The following NWD2 variants were observed in gnomAD, a reference collection of about 807,000 sequenced individuals.
The protein encoded by NWD2 is NACHT and WD repeat domain containing 2.
In NWD2, 37 loss-of-function variants were observed where a neutral mutation model predicts 132.7. That is an observed-to-expected ratio of 0.28 (90% confidence interval 0.21 to 0.37). NWD2 has a LOEUF of 0.37. Ranked by LOEUF, NWD2 falls within the 10% of genes least tolerant of loss-of-function variation. The probability of loss-of-function intolerance (pLI) is 1.00; values close to 1 mark genes in which losing one functional copy is unlikely to be tolerated. For synonymous variants in NWD2, 705 were observed against 803.0 expected (o/e 0.88, Z 2.06); for missense variants, 1,592 against 2,122.4 (o/e 0.75, Z 4.91).
intron 3 of NWD2, among the ~76,000 whole-genome samples, chr4:37,396,417 T>C (rs1720792387): frequency 6.6e-6 from 1 of 152,158 alleles, no homozygotes; most frequent in South Asian, 2.1e-4. Context: ...CCCCTGACCA[T>C]GCCCATCTCT....
rs1712580014 is a variant in NWD2, at chr4:37,444,588, T to C, written c.2600T>C (p.Ile867Thr). The C allele has an allele frequency of 1.9e-6, 3 of 1,551,962 alleles. No individual in the cohort carries two copies. Among genetic ancestry groups the C allele is most frequent in the East Asian group, 4.9e-5 (2 of 40,926 alleles). Residue 867 changes from isoleucine (I) to threonine (T), a missense_variant, in exon 7 of 7, where the codon ATT becomes ACT. Coordinates refer to ENST00000309447, the MANE Select transcript of NWD2 (RefSeq NM_001144990.2). The surrounding 1 kb of genome is among the most constrained non-coding windows in gnomAD (Gnocchi z 4.8). ...AGCTGGCTTTATACCATGATCAAAA[T>C]TGGCCAGTTTGACAAAGTGCTTTCA... The part of the protein sequence containing the change: ...NFSWLYTMIK[I>T]GQFDKVLSDI...
intron 3 of NWD2, among the ~76,000 whole-genome samples, chr4:37,371,078 C>CTTTTTTTT (rs11378524): frequency 8.1e-4 from 98 of 121,140 alleles, no homozygotes; most frequent in East Asian, 2.4e-3. Flanking sequence ...TTTTCTTTTT[C>CTTTTTTTT]TTTTTTTTTT....
At position 37,310,489 on chromosome 4, in the gene NWD2, G is replaced by GA. The variant is rs545378226; in HGVS notation, c.152-15439dup. 2.2e-4 allele frequency among the ~76,000 whole-genome samples: 33 copies of GA among 151,940 alleles called. No homozygotes were observed. In the South Asian group the frequency reaches 6.5e-3, roughly 30 times the overall value. On this transcript the variant is annotated intron_variant, in intron 1 of 6. Transcript: ENST00000309447. ...CTTCTAAGATTTGGATAAATTGATA[G>GA]AAAAAAAATAATTTGTTTTCTTTAT...
intron 3 of NWD2, among the ~76,000 whole-genome samples, chr4:37,389,043 G>A (rs762319227): frequency 9.2e-5 from 14 of 152,104 alleles, no homozygotes; most frequent in Non-Finnish European, 1.3e-4. Flanking sequence ...CCATGAGAAG[G>A]GATGGAGGCT....
chr4:37,307,645 A>G (rs1159567675), intron 1 of NWD2, among the ~76,000 whole-genome samples: 2 of 152,164 alleles, frequency 1.3e-5, no homozygotes, highest in Non-Finnish European at 2.9e-5. Context: ...AGTTTCCTGT[A>G]TCTGAATATC....
At chr4:37,271,728 A>C (rs1400044690) in intron 1 of NWD2, among the ~76,000 whole-genome samples, 2 of 151,782 alleles carry the variant, frequency 1.3e-5, no homozygotes, top group African/African-American at 4.8e-5. Flanking sequence ...TAAGTTGTTA[A>C]ACAAAAGTGA....
intron 1 of NWD2, among the ~76,000 whole-genome samples, chr4:37,283,186 A>G (rs1718164019): frequency 1.3e-5 from 2 of 152,202 alleles, no homozygotes; most frequent in African/African-American, 4.8e-5. Flanking sequence ...CCCAGTAAAA[A>G]TGTGTAAATT....
chr4:37,321,662 A>T (rs758626652), intron 1 of NWD2, among the ~76,000 whole-genome samples: 3 of 152,190 alleles, frequency 2.0e-5, no homozygotes, highest in Non-Finnish European at 4.4e-5. Flanking sequence ...TTAAATTGTG[A>T]ACCATCCAGA....
chr4:37,305,002 C>G (rs1207432010), intron 1 of NWD2, among the ~76,000 whole-genome samples: 1 of 152,202 alleles, frequency 6.6e-6, no homozygotes, highest in Admixed American at 6.5e-5. Flanking sequence ...TCCTGGACAT[C>G]CAGGCATTTC....
intron 3 of NWD2, among the ~76,000 whole-genome samples, chr4:37,363,079 G>T (rs1390065157): frequency 6.6e-6 from 1 of 152,100 alleles, no homozygotes; most frequent in East Asian, 1.9e-4. Flanking sequence ...AATCATCAGA[G>T]GAATGCAAAT....
At chr4:37,377,190 C>A (rs545378989) in intron 3 of NWD2, among the ~76,000 whole-genome samples, 1 of 152,258 alleles carries the variant, frequency 6.6e-6, no homozygotes, top group Admixed American at 6.5e-5. Flanking sequence ...GAGTAGGGAC[C>A]ACTCCAATCA....
At chr4:37,387,667 ATT>A (rs1396107313) in intron 3 of NWD2, among the ~76,000 whole-genome samples, 5 of 131,654 alleles carry the variant, frequency 3.8e-5, no homozygotes, top group African/African-American at 1.2e-4. Flanking sequence ...ACTTTGAAAT[ATT>A]CTTTTTTTTT....
chr4:37,373,121 C>T (rs1343860414), intron 3 of NWD2, among the ~76,000 whole-genome samples: 3 of 152,156 alleles, frequency 2.0e-5, no homozygotes, highest in African/African-American at 7.2e-5. Context: ...TGCTATTCTG[C>T]ATTTTGCATA....
intron 2 of NWD2, among the ~76,000 whole-genome samples, chr4:37,336,909 C>G (rs1047371948): frequency 7.0e-6 from 1 of 142,920 alleles, no homozygotes; most frequent in African/African-American, 2.6e-5. Context: ...CGCACCACTG[C>G]GCTCCAGCCT....
At chr4:37,276,849 C>A (rs1442518565) in intron 1 of NWD2, among the ~76,000 whole-genome samples, 1 of 151,972 alleles carries the variant, frequency 6.6e-6, no homozygotes, top group East Asian at 1.9e-4. Context: ...ATGGATGAAG[C>A]TGGAAACCAT....
intron 3 of NWD2, among the ~76,000 whole-genome samples, chr4:37,421,307 G>A (rs1434842250): frequency 3.3e-5 from 5 of 152,216 alleles, no homozygotes; most frequent in Admixed American, 2.6e-4. Context: ...TGGAGGTAAT[G>A]TAAGCTAAGA....
chr4:37,295,684 C>T (rs1358831420), intron 1 of NWD2, among the ~76,000 whole-genome samples: 1 of 152,284 alleles, frequency 6.6e-6, no homozygotes, highest in East Asian at 1.9e-4. Flanking sequence ...CCTGACTTGG[C>T]CTTCATCAAT....
rs79897670 is a variant in NWD2, at chr4:37,403,686, G to A, written c.358-26886G>A. Reference sequence around the variant, plus strand: ...AGATCATCTTTGATAGCAGAAAAAAGCGACTCTACTTGTTTCTGCATTACA... The same window carrying A: ...AGATCATCTTTGATAGCAGAAAAAAACGACTCTACTTGTTTCTGCATTACA... On this transcript the variant is annotated intron_variant, in intron 3 of 6. Coordinates refer to ENST00000309447, the MANE Select transcript of NWD2 (RefSeq NM_001144990.2). 2.4e-3 allele frequency among the ~76,000 whole-genome samples: 361 copies of A among 152,230 alleles called. 2 individuals carry two copies. Among genetic ancestry groups the A allele is most frequent in the African/African-American group, 7.5e-3 (310 of 41,542 alleles).
chr4:37,429,289 T>G (rs1435466043), intron 3 of NWD2, among the ~76,000 whole-genome samples: 1 of 152,122 alleles, frequency 6.6e-6, no homozygotes, highest in Non-Finnish European at 1.5e-5. Flanking sequence ...CTTTTCTCTA[T>G]ATATATAAAT....
Sources: allele counts gnomAD v4.1 joint callset (sites outside exome capture counted in the v4.1 genomes callset), GRCh38; gene constraint gnomAD v4.1.1; non-coding constraint Gnocchi (gnomAD v3.1); transcripts MANE v1.5; gene names NCBI Gene and HGNC (gene_info 2026-07-23, HGNC 2026-07-21).